Variants in SH3GL2 observed in about 807,000 individuals in gnomAD.
The protein encoded by SH3GL2 is endophilin-A1.
In SH3GL2, 24 loss-of-function variants were observed where a neutral mutation model predicts 46.0. The observed-to-expected ratio is 0.52, with a 90% CI of 0.38 to 0.73. The LOEUF (loss-of-function observed/expected upper bound fraction) is 0.73, where lower values mean the gene tolerates loss of function less well. SH3GL2 is among the 30% of genes least tolerant of loss of function. The pLI is 0.00. For missense variants in SH3GL2, 413 were observed against 424.2 expected, an observed-to-expected ratio of 0.97 and a Z score of 0.23; for synonymous variants, 196 against 147.1, an observed-to-expected ratio of 1.33 and a Z score of -2.40.
intron 1 of SH3GL2, among the ~76,000 whole-genome samples, chr9:17,588,883 G>A (rs901541596): frequency 8.5e-5 from 13 of 152,326 alleles, no homozygotes; most frequent in Admixed American, 7.8e-4. Context: ...TTGGTTGGCT[G>A]GAACTTGTAA....
intron 1 of SH3GL2, among the ~76,000 whole-genome samples, chr9:17,658,032 C>T (rs1820130413): frequency 1.3e-5 from 2 of 152,178 alleles, no homozygotes; most frequent in Admixed American, 1.3e-4. Context: ...TGATCCACTG[C>T]AGATAGGAAC....
At chr9:17,726,614 C>T (rs972283475) in intron 1 of SH3GL2, among the ~76,000 whole-genome samples, 1 of 152,062 alleles carries the variant, frequency 6.6e-6, no homozygotes, top group Non-Finnish European at 1.5e-5. Flanking sequence ...AACCCAATAG[C>T]AGAACAAACA....
chr9:17,743,728 C>G (rs1253159281), intron 1 of SH3GL2, among the ~76,000 whole-genome samples: 4 of 152,170 alleles, frequency 2.6e-5, no homozygotes, highest in Admixed American at 2.0e-4. Flanking sequence ...TACTGTGGTG[C>G]TATGCTGTGG....
intron 1 of SH3GL2, among the ~76,000 whole-genome samples, chr9:17,668,355 A>G (rs1188111489): frequency 1.3e-5 from 2 of 152,314 alleles, no homozygotes; most frequent in East Asian, 3.9e-4. Flanking sequence ...GAGTCCCATC[A>G]CTAGTTTTTG....
At chr9:17,778,598 G>A (rs1055859572) in intron 3 of SH3GL2, among the ~76,000 whole-genome samples, 6 of 152,070 alleles carry the variant, frequency 3.9e-5, no homozygotes, top group Non-Finnish European at 7.4e-5. Context: ...AGAGTGATGT[G>A]ATCTAAATTA....
chr9:17,673,729 A>C (rs1820533556), intron 1 of SH3GL2, among the ~76,000 whole-genome samples: 2 of 152,094 alleles, frequency 1.3e-5, no homozygotes, highest in Non-Finnish European at 2.9e-5. Flanking sequence ...AAACCACCAT[A>C]ATGCTTCACA....
At chr9:17,620,084 A>G (rs1353419917) in intron 1 of SH3GL2, among the ~76,000 whole-genome samples, 5 of 151,870 alleles carry the variant, frequency 3.3e-5, no homozygotes, top group Admixed American at 2.0e-4. Context: ...AAAATTTTAT[A>G]TTTCAAAAAA....
At chr9:17,633,498 ATAT>A (rs1329623869) in intron 1 of SH3GL2, among the ~76,000 whole-genome samples, 2 of 152,244 alleles carry the variant, frequency 1.3e-5, no homozygotes, top group Admixed American at 1.3e-4. Context: ...CGTCAAAATA[ATAT>A]TAATATAAGA....
chr9:17,792,578 C>T (rs560323399), intron 7 of SH3GL2, among the ~76,000 whole-genome samples: 2 of 152,242 alleles, frequency 1.3e-5, no homozygotes, highest in Middle Eastern at 6.8e-3. Context: ...TCCTTTCCTC[C>T]TCCCTATATT....
chr9:17,768,032 T>C (rs1588316924), intron 3 of SH3GL2, among the ~76,000 whole-genome samples: 1 of 152,160 alleles, frequency 6.6e-6, no homozygotes, highest in East Asian at 1.9e-4. Context: ...TATTCTTTAC[T>C]TGTGTGTCTA....
chr9:17,692,203 G>C (rs1007225895), intron 1 of SH3GL2, among the ~76,000 whole-genome samples: 3 of 151,946 alleles, frequency 2.0e-5, no homozygotes, highest in Non-Finnish European at 4.4e-5. Context: ...TATGGATATG[G>C]GGGACAGCAA....
At chr9:17,624,019 A>C (rs1457276112) in intron 1 of SH3GL2, among the ~76,000 whole-genome samples, 1 of 152,108 alleles carries the variant, frequency 6.6e-6, no homozygotes, top group African/African-American at 2.4e-5. Context: ...ATTTTATTTC[A>C]TTCGTTCGTT....
intron 1 of SH3GL2, among the ~76,000 whole-genome samples, chr9:17,644,080 G>A (rs915105188): frequency 2.6e-5 from 4 of 152,260 alleles, no homozygotes; most frequent in Non-Finnish European, 5.9e-5. Flanking sequence ...ATGTGTCCAG[G>A]AATTTATCCA....
chr9:17,738,641 T>TAG (rs1554645334), intron 1 of SH3GL2, among the ~76,000 whole-genome samples: 15 of 88,878 alleles, frequency 1.7e-4, no homozygotes, highest in South Asian at 9.8e-4. Flanking sequence ...TATATATATA[T>TAG]AGAGAGAGAG....
At chr9:17,580,098 C>T (rs555098110) in intron 1 of SH3GL2, among the ~76,000 whole-genome samples, 1 of 152,096 alleles carries the variant, frequency 6.6e-6, no homozygotes, top group Non-Finnish European at 1.5e-5. Context: ...TAATTAAAAT[C>T]ATTGGACTCA....
chr9:17,716,145 T>C (rs931655952), intron 1 of SH3GL2, among the ~76,000 whole-genome samples: 3 of 152,146 alleles, frequency 2.0e-5, no homozygotes, highest in East Asian at 1.9e-4. Flanking sequence ...TTAATATCCT[T>C]GTCAAACAAT....
At chr9:17,628,603 C>T (rs1351870443) in intron 1 of SH3GL2, among the ~76,000 whole-genome samples, 1 of 152,074 alleles carries the variant, frequency 6.6e-6, no homozygotes, top group Non-Finnish European at 1.5e-5. Flanking sequence ...GAGCTAGATG[C>T]CTTAGCAGCT....
chr9:17,652,439 T>G (rs1819978608), intron 1 of SH3GL2, among the ~76,000 whole-genome samples: 1 of 151,934 alleles, frequency 6.6e-6, no homozygotes, highest in Non-Finnish European at 1.5e-5. Context: ...TCTGGTGGAG[T>G]TTTTGTAATT....
intron 3 of SH3GL2, among the ~76,000 whole-genome samples, chr9:17,774,979 G>A (rs1315623539): frequency 6.6e-6 from 1 of 152,126 alleles, no homozygotes; most frequent in Non-Finnish European, 1.5e-5. Context: ...GGTCTGTTCA[G>A]ATTTTCTATT....
Sources: gnomAD v4.1 joint callset for allele counts (sites outside exome capture counted in the v4.1 genomes callset) on GRCh38, gnomAD v4.1.1 for gene constraint, MANE v1.5 for transcripts, NCBI Gene and HGNC (gene_info 2026-07-23, HGNC 2026-07-21) for gene names.